The following WDR7 variants were observed in gnomAD, a reference collection of about 807,000 sequenced individuals.
The protein encoded by WDR7 is WD repeat domain 7.
WDR7 carries 46 observed loss-of-function variants against 169.4 expected under a neutral mutation model. That is an observed-to-expected ratio of 0.27 (90% confidence interval 0.21 to 0.35). The LOEUF (loss-of-function observed/expected upper bound fraction) is 0.35. Ranked by LOEUF, WDR7 falls within the 10% of genes least tolerant of loss-of-function variation. The pLI is 1.00. For missense variants in WDR7, 1,534 were observed against 1,859.3 expected (o/e 0.83, Z 3.22); for synonymous variants, 612 against 666.8 (o/e 0.92, Z 1.27).
At chr18:56,670,976 TC>T (rs1160815380) in intron 1 of WDR7, among the ~76,000 whole-genome samples, 1 of 152,204 alleles carries the variant, frequency 6.6e-6, no homozygotes, top group Non-Finnish European at 1.5e-5. Context: ...GTTATCTAGG[TC>T]TTTGACCACA....
chr18:56,695,443 T>A (rs2025678750), intron 11 of WDR7, among the ~76,000 whole-genome samples: 1 of 152,146 alleles, frequency 6.6e-6, no homozygotes, highest in Admixed American at 6.5e-5. Context: ...ATGTTAATAG[T>A]TTCATCTCTT....
chr18:56,739,584 G>A (rs1004314779), intron 14 of WDR7, among the ~76,000 whole-genome samples: 9 of 151,776 alleles, frequency 5.9e-5, no homozygotes, highest in East Asian at 1.9e-4. Flanking sequence ...TTTCTTCCTC[G>A]AAAGAACTAC....
chr18:56,929,657 G>C (rs2046854699), intron 22 of WDR7, among the ~76,000 whole-genome samples: 1 of 152,142 alleles, frequency 6.6e-6, no homozygotes, highest in South Asian at 2.1e-4. Context: ...CCTTAATAAG[G>C]TGAGTGATTC....
chr18:56,979,074 G>A (rs1464505462), intron 26 of WDR7, among the ~76,000 whole-genome samples: 1 of 152,086 alleles, frequency 6.6e-6, no homozygotes, highest in South Asian at 2.1e-4. Context: ...AGGCAATGTA[G>A]CAACAGCCTT....
downstream of WDR7, chr18:57,032,578 T>C (rs1767468975): frequency 6.6e-6 from 1 of 152,068 alleles, no homozygotes; most frequent in Non-Finnish European, 1.5e-5. Flanking sequence ...CTGCCTGAGC[T>C]CAGCCTCCTG....
At chr18:56,896,984 G>A (rs955690319) in intron 21 of WDR7, among the ~76,000 whole-genome samples, 23 of 151,786 alleles carry the variant, frequency 1.5e-4, no homozygotes, top group Admixed American at 3.3e-4. Flanking sequence ...AGAGAAATCC[G>A]TAGCAGAAAA....
intron 14 of WDR7, among the ~76,000 whole-genome samples, chr18:56,738,396 G>C (rs565669933): frequency 3.9e-5 from 6 of 152,052 alleles, no homozygotes; most frequent in African/African-American, 1.2e-4. Context: ...GTGAAACCCT[G>C]CCTCTACAAA....
intron 2 of WDR7, among the ~76,000 whole-genome samples, chr18:56,674,792 T>C (rs1246098341): frequency 6.6e-6 from 1 of 152,208 alleles, no homozygotes; most frequent in Non-Finnish European, 1.5e-5. Context: ...CTAAGAATTT[T>C]ATATACTAGT....
chr18:56,916,387 G>A (rs1045110329), intron 21 of WDR7, among the ~76,000 whole-genome samples: 7 of 151,658 alleles, frequency 4.6e-5, no homozygotes, highest in African/African-American at 1.2e-4. Context: ...CTGTCCTTGC[G>A]ATAGTTTGCT....
At chr18:56,716,030 A>AGTGTGT (rs10572330) in intron 12 of WDR7, among the ~76,000 whole-genome samples, 3,973 of 146,638 alleles carry the variant, frequency 0.027, 74 homozygotes, top group East Asian at 0.037. Flanking sequence ...CATACGTAGC[A>AGTGTGT]GTGTGTGTGT....
At chr18:56,837,749 C>T (rs2045417713) in intron 20 of WDR7, among the ~76,000 whole-genome samples, 1 of 152,070 alleles carries the variant, frequency 6.6e-6, no homozygotes, top group Admixed American at 6.5e-5. Context: ...CAACCTCTGC[C>T]TCCTGGGTGC....
chr18:56,872,356 A>T (rs1380294460), intron 20 of WDR7, among the ~76,000 whole-genome samples: 1 of 152,184 alleles, frequency 6.6e-6, no homozygotes, highest in Non-Finnish European at 1.5e-5. Flanking sequence ...ACTGCTTTTT[A>T]AATGAAGTAA....
intron 21 of WDR7, among the ~76,000 whole-genome samples, chr18:56,900,440 TG>T (rs569839032): frequency 2.0e-3 from 297 of 152,110 alleles, no homozygotes; most frequent in African/African-American, 6.8e-3. Flanking sequence ...ACCTAAACAG[TG>T]GAAGTTTAAT....
chr18:56,897,907 T>C (rs772045724), intron 21 of WDR7, among the ~76,000 whole-genome samples: 2 of 151,976 alleles, frequency 1.3e-5, no homozygotes, highest in Non-Finnish European at 2.9e-5. Context: ...ATACCTTGAT[T>C]GGTGTGGAGA....
intron 26 of WDR7, among the ~76,000 whole-genome samples, chr18:57,013,459 A>C (rs1051733931): frequency 9.1e-5 from 6 of 66,208 alleles, no homozygotes; most frequent in Non-Finnish European, 2.5e-4. Context: ...TGCTAAATCC[A>C]CTTTTTGTTT....
chr18:56,698,605 CAA>C lies in WDR7; in HGVS notation c.1578+2159_1578+2160del, dbSNP rs34560445. On this transcript the variant is annotated intron_variant, in intron 12 of 27. Transcript: ENST00000254442. ...TGGGTGACAGAGCAAGACTCTGTCTCAAAAAAAAAAAAAAAAATTCAGATTGG... is the reference window on the plus strand; with the variant it reads ...TGGGTGACAGAGCAAGACTCTGTCTCAAAAAAAAAAAAAAATTCAGATTGG... Among the ~76,000 whole-genome samples, 45 of 88,052 alleles carry C rather than the reference CAA, an allele frequency of 5.1e-4. 1 individual carries two copies. The highest frequency in any genetic ancestry group is 1.8e-3 in the East Asian group (8 of 4,340). 57.8% of individuals were successfully genotyped at this position (88,052 alleles called of 152,430 possible).
chr18:56,983,283 G>A (rs1221411567), intron 26 of WDR7, among the ~76,000 whole-genome samples: 2 of 152,068 alleles, frequency 1.3e-5, no homozygotes, highest in African/African-American at 4.8e-5. Context: ...TAAAAGTGGC[G>A]TTTTCATGAA....
downstream of WDR7, chr18:57,032,831 A>ATATATATG (rs1456696124): frequency 7.8e-6 from 1 of 128,616 alleles, no homozygotes; most frequent in African/African-American, 3.1e-5. Context: ...ATATATATAT[A>ATATATATG]TATATATATA....
intron 26 of WDR7, among the ~76,000 whole-genome samples, chr18:57,014,234 G>A (rs948271306): frequency 5.3e-5 from 8 of 151,600 alleles, no homozygotes. Context: ...GCTGAGGCAG[G>A]AGAATCACTT....
Sources: allele counts gnomAD v4.1 joint callset (sites outside exome capture counted in the v4.1 genomes callset), GRCh38; gene constraint gnomAD v4.1.1; transcripts MANE v1.5; gene names NCBI Gene and HGNC (gene_info 2026-07-23, HGNC 2026-07-21).